DENND1A: variants seen among roughly 807,000 people sequenced by gnomAD.
DENND1A encodes the protein DENN domain containing 1A.
DENND1A carries 51 observed loss-of-function variants against 113.7 expected under a neutral mutation model. The observed-to-expected ratio is 0.45, with a 90% CI of 0.36 to 0.57. DENND1A has a LOEUF of 0.57. Ranked by LOEUF, DENND1A falls within the 20% of genes least tolerant of loss-of-function variation. The pLI is 0.00. For synonymous variants in DENND1A, 565 were observed against 570.8 expected, an observed-to-expected ratio of 0.99 and a Z score of 0.14; for missense variants, 1,258 against 1,395.9, an observed-to-expected ratio of 0.90 and a Z score of 1.57.
chr9:123,845,908 A>G lies in DENND1A; in HGVS notation c.88+33043T>C, dbSNP rs535887751. Among the ~76,000 whole-genome samples, 3 of 152,252 alleles carry G rather than the reference A, an allele frequency of 2.0e-5. No homozygotes were observed. The East Asian group carries it at 5.8e-4, about 29-fold the overall frequency. On this transcript the variant is annotated intron_variant, in intron 2 of 23. Coordinates refer to ENST00000394215, the MANE Select transcript of DENND1A (RefSeq NM_001352964.2). ...GAAATGAAAACTTCTGTTTCAGGTG[A>G]CACAATCAAGAAAGAGAAAAGTTAA...
chr9:123,829,650 C>CA (rs1011781382), intron 2 of DENND1A, among the ~76,000 whole-genome samples: 3 of 151,470 alleles, frequency 2.0e-5, no homozygotes, highest in Non-Finnish European at 4.4e-5. Context: ...GAAACAGGTA[C>CA]AAAAAAAGAA....
chr9:123,517,740 C>T (rs1272801757), intron 13 of DENND1A, among the ~76,000 whole-genome samples: 2 of 151,500 alleles, frequency 1.3e-5, no homozygotes, highest in African/African-American at 4.8e-5. Context: ...CCATTTACAA[C>T]TGATTATTTA....
At chr9:123,585,913 CAGT>C (rs1346159992) in intron 11 of DENND1A, among the ~76,000 whole-genome samples, 4 of 152,210 alleles carry the variant, frequency 2.6e-5, no homozygotes, top group Non-Finnish European at 4.4e-5. Context: ...GCTGGCCACA[CAGT>C]AGGATGTAAT....
At chr9:123,443,695 C>T (rs561377153) in intron 18 of DENND1A, among the ~76,000 whole-genome samples, 11 of 152,166 alleles carry the variant, frequency 7.2e-5, no homozygotes, top group Admixed American at 6.5e-4. Context: ...AGGCTCACGC[C>T]GGTAATCCCA....
chr9:123,544,886 CAGG>C (rs1439772834), intron 13 of DENND1A, among the ~76,000 whole-genome samples: 11 of 152,226 alleles, frequency 7.2e-5, no homozygotes, highest in African/African-American at 2.6e-4. Context: ...ATCACCAGGT[CAGG>C]AGATCAAGAC....
intron 21 of DENND1A, among the ~76,000 whole-genome samples, chr9:123,394,652 C>T (rs12686320): frequency 0.52 from 79,610 of 152,108 alleles, 22,112 homozygotes; most frequent in Non-Finnish European, 0.65. Flanking sequence ...CATCCATACC[C>T]GTGCCCCAGC....
chr9:123,575,012 A>C (rs1056117143), intron 12 of DENND1A, among the ~76,000 whole-genome samples: 1 of 152,208 alleles, frequency 6.6e-6, no homozygotes, highest in Non-Finnish European at 1.5e-5. Flanking sequence ...TCTGGTTTAG[A>C]ACAGTTTGTC....
At chr9:123,704,045 C>T (rs1272861006) in intron 5 of DENND1A, among the ~76,000 whole-genome samples, 3 of 151,908 alleles carry the variant, frequency 2.0e-5, no homozygotes, top group African/African-American at 7.3e-5. Context: ...TTAAAACCCT[C>T]CCAACTGATA....
intron 5 of DENND1A, among the ~76,000 whole-genome samples, chr9:123,755,974 G>A (rs116309927): frequency 0.011 from 1,653 of 152,192 alleles, 25 homozygotes; most frequent in African/African-American, 0.036. Context: ...ACAGTGGCAC[G>A]ATCTTGGCTC....
chr9:123,510,491 T>A (rs2134525923), intron 13 of DENND1A, among the ~76,000 whole-genome samples: 1 of 152,346 alleles, frequency 6.6e-6, no homozygotes, highest in African/African-American at 2.4e-5. Flanking sequence ...TTTTTGTGAA[T>A]AGCAGCCACA....
At chr9:123,726,164 T>A (rs1360659107) in intron 5 of DENND1A, among the ~76,000 whole-genome samples, 1 of 152,260 alleles carries the variant, frequency 6.6e-6, no homozygotes, top group East Asian at 1.9e-4. Flanking sequence ...TAATTTTTAA[T>A]AATGGGCAAC....
intron 13 of DENND1A, among the ~76,000 whole-genome samples, chr9:123,555,730 AG>A (rs1305856859): frequency 5.9e-5 from 9 of 152,350 alleles, no homozygotes; most frequent in Middle Eastern, 3.4e-3. Flanking sequence ...TTGAAACTCC[AG>A]GGCTTCTGTC....
chr9:123,738,796 C>T (rs945330308), intron 5 of DENND1A, among the ~76,000 whole-genome samples: 14 of 152,158 alleles, frequency 9.2e-5, no homozygotes, highest in Admixed American at 3.3e-4. Context: ...GCTGGCAGGC[C>T]ATCCTAATAT....
intron 13 of DENND1A, among the ~76,000 whole-genome samples, chr9:123,543,472 A>G (rs2056435841): frequency 6.6e-6 from 1 of 152,238 alleles, no homozygotes; most frequent in African/African-American, 2.4e-5. Flanking sequence ...TTCAAGGAAC[A>G]GGGTTCTGGA....
intron 2 of DENND1A, among the ~76,000 whole-genome samples, chr9:123,822,256 T>C (rs938384384): frequency 2.0e-5 from 3 of 152,222 alleles, no homozygotes; most frequent in Non-Finnish European, 2.9e-5. Context: ...AGAGAATTTC[T>C]TTATGATAAA....
chr9:123,534,914 A>C (rs1032118216), intron 13 of DENND1A, among the ~76,000 whole-genome samples: 9 of 151,734 alleles, frequency 5.9e-5, no homozygotes, highest in Non-Finnish European at 1.0e-4. Context: ...CCCCCCCTTC[A>C]CTTGCTTTAT....
At chr9:123,546,403 G>A (rs542270851) in intron 13 of DENND1A, among the ~76,000 whole-genome samples, 1 of 148,186 alleles carries the variant, frequency 6.7e-6, no homozygotes, top group African/African-American at 2.5e-5. Context: ...AAAAAAAAAA[G>A]TAGCCGGGCG....
chr9:123,852,718 C>T (rs1692490288), intron 2 of DENND1A, among the ~76,000 whole-genome samples: 1 of 152,092 alleles, frequency 6.6e-6, no homozygotes, highest in South Asian at 2.1e-4. Flanking sequence ...CCTTATCCAC[C>T]ACAGCAGCAG....
At chr9:123,624,984 G>A (rs1287415033) in intron 10 of DENND1A, among the ~76,000 whole-genome samples, 4 of 152,064 alleles carry the variant, frequency 2.6e-5, no homozygotes, top group Admixed American at 1.3e-4. Flanking sequence ...AGAAATATTG[G>A]AAAATATGGA....
Sources: gnomAD v4.1 joint callset for allele counts (sites outside exome capture counted in the v4.1 genomes callset) on GRCh38, gnomAD v4.1.1 for gene constraint, MANE v1.5 for transcripts, NCBI Gene and HGNC (gene_info 2026-07-23, HGNC 2026-07-21) for gene names.